Variants in DOCK2 observed in about 807,000 individuals in gnomAD.
DOCK2 encodes dedicator of cytokinesis 2, also known as dedicator of cytokinesis protein 2.
Under a neutral mutation model 248.9 loss-of-function variants are expected in DOCK2, and 87 were observed. The ratio of observed to expected loss-of-function variants is 0.35; its 90% confidence interval spans 0.29 to 0.42. DOCK2 has a LOEUF of 0.42. Ranked by LOEUF, DOCK2 falls within the 10% of genes least tolerant of loss-of-function variation. DOCK2 has a pLI of 1.00. For missense variants in DOCK2, 1,747 were observed against 2,300.2 expected, an observed-to-expected ratio of 0.76 and a Z score of 4.92; for synonymous variants, 805 against 821.6, an observed-to-expected ratio of 0.98 and a Z score of 0.35.
chr5:169,650,721 G>T (rs1425774968), intron 1 of DOCK2, among the ~76,000 whole-genome samples: 1 of 152,134 alleles, frequency 6.6e-6, no homozygotes, highest in Admixed American at 6.6e-5. Context: ...CTCCATACTT[G>T]GGAACATCCC....
intron 27 of DOCK2, among the ~76,000 whole-genome samples, chr5:169,919,034 G>C (rs776308568): frequency 3.9e-5 from 6 of 152,176 alleles, no homozygotes; most frequent in Admixed American, 6.5e-5. Flanking sequence ...GATGGGTTTG[G>C]ATTCAATATG....
chr5:169,714,406 A>G lies in DOCK2; in HGVS notation c.1890A>G (p.Leu630=). Residue 630 remains leucine (L), a synonymous_variant, in exon 19 of 52, where the codon CTA becomes CTG. Coordinates refer to ENST00000520908, the MANE Select transcript of DOCK2 (RefSeq NM_004946.3). ...AGTGGCGTATGAAGCCTCAACTGCT[A>G]CAGGAGAATTTAGAAAAGTTGAAGA... ...LLKWRMKPQL[L]QENLEKLKIV... 13 of 1,614,130 alleles carry G rather than the reference A, an allele frequency of 8.1e-6. No homozygotes were observed. The highest frequency in any genetic ancestry group is 1.1e-5 in the Non-Finnish European group (13 of 1,179,974).
At chr5:169,782,324 G>C (rs745750) in intron 25 of DOCK2, among the ~76,000 whole-genome samples, 17,133 of 151,894 alleles carry the variant, frequency 0.11, 1,219 homozygotes, top group African/African-American at 0.2. Flanking sequence ...GTACAAGCAG[G>C]AGAGCTGGTT....
chr5:169,809,734 T>C (rs1230805774), intron 26 of DOCK2, among the ~76,000 whole-genome samples: 1 of 152,242 alleles, frequency 6.6e-6, no homozygotes, highest in Non-Finnish European at 1.5e-5. Context: ...CCACTTGAAC[T>C]GTCTATTCTC....
chr5:169,818,210 T>C (rs1768190312), intron 26 of DOCK2, among the ~76,000 whole-genome samples: 1 of 152,192 alleles, frequency 6.6e-6, no homozygotes, highest in Non-Finnish European at 1.5e-5. Context: ...GGAGGTTATA[T>C]GCACTTCACC....
chr5:170,076,319 C>G (rs1757837998), intron 47 of DOCK2, among the ~76,000 whole-genome samples: 1 of 152,220 alleles, frequency 6.6e-6, no homozygotes, highest in East Asian at 1.9e-4. Flanking sequence ...ACCAACTACT[C>G]AAGGGACTGT....
intron 34 of DOCK2, among the ~76,000 whole-genome samples, chr5:170,032,041 T>TCCGAGA (rs1756156032): frequency 6.6e-6 from 1 of 151,462 alleles, no homozygotes; most frequent in Non-Finnish European, 1.5e-5. Flanking sequence ...TTTTTTTTTT[T>TCCGAGA]TTTGAGACGG....
At chr5:169,698,049 G>A (rs1760736014) in intron 10 of DOCK2, among the ~76,000 whole-genome samples, 2 of 152,224 alleles carry the variant, frequency 1.3e-5, no homozygotes, top group African/African-American at 4.8e-5. Context: ...ATACATGCAT[G>A]TCAAATCCAA....
At chr5:170,004,393 A>C (rs1554125321) in intron 30 of DOCK2, among the ~76,000 whole-genome samples, 2 of 152,088 alleles carry the variant, frequency 1.3e-5, no homozygotes, top group Non-Finnish European at 2.9e-5. Context: ...GATATCTCAT[A>C]GTGGTTTTGA....
intron 27 of DOCK2, among the ~76,000 whole-genome samples, chr5:169,949,288 C>T (rs1776565918): frequency 6.6e-6 from 1 of 152,140 alleles, no homozygotes; most frequent in Admixed American, 6.5e-5. Flanking sequence ...TTCTTTACTT[C>T]CCAGGAGGGA....
At chr5:169,774,699 G>C (rs1265118566) in intron 25 of DOCK2, among the ~76,000 whole-genome samples, 1 of 152,180 alleles carries the variant, frequency 6.6e-6, no homozygotes, top group East Asian at 1.9e-4. Context: ...TATGAGATTT[G>C]CTAAGATAAT....
At position 170,008,195 on chromosome 5, in the gene DOCK2, AAACAAC is replaced by A. The variant is rs570456552; in HGVS notation, c.3073-275_3073-270del. ...AAAACAGAACAAAGCACAAGGACAA[AAACAAC>A]AACAACAACAACAACAACAACAACA... On this transcript the variant is annotated intron_variant, in intron 30 of 51. Transcript: ENST00000520908. 1.9e-3 allele frequency among the ~76,000 whole-genome samples: 258 copies of A among 134,598 alleles called. 2 individuals carry two copies. The highest frequency in any genetic ancestry group is 3.4e-3 in the South Asian group (15 of 4,420). 88.3% of individuals were successfully genotyped at this position (134,598 alleles called of 152,430 possible).
chr5:169,772,750 A>T (rs1765160370), intron 25 of DOCK2, among the ~76,000 whole-genome samples: 1 of 152,232 alleles, frequency 6.6e-6, no homozygotes, highest in Admixed American at 6.5e-5. Flanking sequence ...TTCCCATTGA[A>T]AAATATTCTC....
At chr5:169,902,305 G>A (rs1197967209) in intron 27 of DOCK2, among the ~76,000 whole-genome samples, 1 of 152,204 alleles carries the variant, frequency 6.6e-6, no homozygotes, top group East Asian at 1.9e-4. Flanking sequence ...CTGTGGACGA[G>A]GCCATCTTTT....
chr5:170,071,685 C>A (rs1181804868), intron 46 of DOCK2, among the ~76,000 whole-genome samples: 2 of 152,132 alleles, frequency 1.3e-5, no homozygotes, highest in Non-Finnish European at 2.9e-5. Context: ...AAATAGAATT[C>A]TGCTAGCTCC....
At chr5:170,046,870 C>T (rs1756733622) in intron 39 of DOCK2, among the ~76,000 whole-genome samples, 1 of 152,176 alleles carries the variant, frequency 6.6e-6, no homozygotes. Flanking sequence ...TCTAGATCCA[C>T]ATATATCTTC....
At chr5:169,952,818 A>C (rs960745457) in intron 27 of DOCK2, among the ~76,000 whole-genome samples, 5 of 152,188 alleles carry the variant, frequency 3.3e-5, no homozygotes, top group Non-Finnish European at 7.3e-5. Flanking sequence ...AAGCCACCAG[A>C]ATACATAAGT....
intron 23 of DOCK2, among the ~76,000 whole-genome samples, chr5:169,751,791 G>T (rs1763907218): frequency 6.6e-6 from 1 of 152,126 alleles, no homozygotes; most frequent in Non-Finnish European, 1.5e-5. Flanking sequence ...ACTTTCTGCT[G>T]ATCAGGTACC....
chr5:169,702,151 G>A (rs966699572), intron 13 of DOCK2, 152 bp from the exon 14 acceptor site: 1 of 889,116 alleles, frequency 1.1e-6, no homozygotes, highest in South Asian at 2.3e-5. Flanking sequence ...CCTCCCTGAT[G>A]AGGGAAAAAT....
Sources: gnomAD v4.1 joint callset for allele counts (sites outside exome capture counted in the v4.1 genomes callset) on GRCh38, gnomAD v4.1.1 for gene constraint, MANE v1.5 for transcripts, NCBI Gene and HGNC (gene_info 2026-07-23, HGNC 2026-07-21) for gene names.